The following NPFFR2 variants were observed in gnomAD, a reference collection of about 807,000 sequenced individuals.
NPFFR2 encodes G-protein coupled receptor 74.
A neutral mutation model predicts 13.1 loss-of-function variants in NPFFR2; 15 were observed. The observed-to-expected ratio is 1.15, with a 90% confidence interval of 0.77 to 1.76. The LOEUF (loss-of-function observed/expected upper bound fraction) is 1.76. Ranked by LOEUF, NPFFR2 falls within the 40% of genes most tolerant of loss-of-function variation. The probability of loss-of-function intolerance (pLI) is 0.00; values close to 1 mark genes in which losing one functional copy is unlikely to be tolerated. For synonymous variants in NPFFR2, 190 were observed against 175.7 expected (o/e 1.08, Z -0.65); for missense variants, 572 against 503.5 (o/e 1.14, Z -1.30).
chr4:72,147,138 C>T lies in NPFFR2; in HGVS notation c.589C>T (p.Gln197Ter), dbSNP rs1169769803. ...ATATTACCGAGTGAGACTCAACTCC[C>T]AGAATAAAACCAGTCCAGTCTACTG... ...EKYYRVRLNS[Q>*]NKTSPVYWCR... The change falls in exon 4 of 4, where the codon CAG becomes TAG. Residue 197 changes from glutamine (Q) to a stop codon, truncating the protein, a stop_gained. Coordinates refer to ENST00000308744, the MANE Select transcript of NPFFR2 (RefSeq NM_004885.3). LOFTEE classifies it low-confidence loss of function (END_TRUNC). 4 of 1,613,972 alleles carry T rather than the reference C, an allele frequency of 2.5e-6. No homozygotes were observed. The African/African-American group carries it at 4.0e-5, about 16-fold the overall frequency.
intron 1 of NPFFR2, among the ~76,000 whole-genome samples, chr4:72,077,492 A>G (rs1264434135): frequency 1.3e-5 from 2 of 152,136 alleles, no homozygotes; most frequent in Non-Finnish European, 2.9e-5. Flanking sequence ...TGCCCTTCCA[A>G]TGAGGGGAAG....
At chr4:72,074,225 C>T (rs1482645202) in intron 1 of NPFFR2, among the ~76,000 whole-genome samples, 3 of 152,030 alleles carry the variant, frequency 2.0e-5, no homozygotes, top group African/African-American at 4.8e-5. Context: ...TCATCCTGCT[C>T]TTCAGAATGA....
chr4:72,145,720 A>T (rs1248625397), intron 3 of NPFFR2, among the ~76,000 whole-genome samples: 2 of 152,182 alleles, frequency 1.3e-5, no homozygotes, highest in Non-Finnish European at 2.9e-5. Flanking sequence ...AAGTTAGATA[A>T]GTTAATTTGG....
intron 2 of NPFFR2, among the ~76,000 whole-genome samples, chr4:72,129,363 G>A (rs1274891585): frequency 3.1e-5 from 4 of 129,436 alleles, no homozygotes; most frequent in Non-Finnish European, 6.5e-5. Context: ...AGCATATGGA[G>A]GATCCCGCCA....
chr4:72,038,901 C>CTTTTTTTTTTT (rs34623356), intron 1 of NPFFR2, among the ~76,000 whole-genome samples: 31 of 86,960 alleles, frequency 3.6e-4, no homozygotes, highest in Non-Finnish European at 4.0e-4. Context: ...TTTAAATTTC[C>CTTTTTTTTTTT]TTTCTTTTTT....
At chr4:72,142,140 A>G (rs1053305411) in intron 3 of NPFFR2, among the ~76,000 whole-genome samples, 3 of 151,140 alleles carry the variant, frequency 2.0e-5, no homozygotes, top group African/African-American at 7.3e-5. Flanking sequence ...CTTTCTTTTG[A>G]TTCTATATGT....
At chr4:72,050,400 G>A (rs371169443) in intron 1 of NPFFR2, among the ~76,000 whole-genome samples, 19 of 152,052 alleles carry the variant, frequency 1.2e-4, no homozygotes, top group African/African-American at 4.6e-4. Flanking sequence ...ATGGGAAGGG[G>A]GGTTGTACGT....
intron 3 of NPFFR2, among the ~76,000 whole-genome samples, chr4:72,140,905 G>C (rs1011352531): frequency 6.6e-6 from 1 of 151,982 alleles, no homozygotes; most frequent in Non-Finnish European, 1.5e-5. Context: ...ACTTTTTTTG[G>C]TTGGTAAGCT....
Position 72,063,490 on chromosome 4 carries a change from T to A in NPFFR2, c.-8+31290T>A, listed in dbSNP as rs149019297. On this transcript the variant is annotated intron_variant, in intron 1 of 3. Transcript: ENST00000308744. ...AAGTGATTAAGAAGAAAAAGCTTTA[T>A]AAGTATTTTAAGGCTATTGAGTTAC... Among the ~76,000 whole-genome samples the A allele has an allele frequency of 5.5e-3, 835 of 152,354 alleles. 5 individuals are homozygous for A. The highest frequency in any genetic ancestry group is 0.019 in the African/African-American group (800 of 41,594).
chr4:72,064,428 C>T (rs1291941576), intron 1 of NPFFR2, among the ~76,000 whole-genome samples: 1 of 152,212 alleles, frequency 6.6e-6, no homozygotes, highest in Non-Finnish European at 1.5e-5. Context: ...CTCAACTTCT[C>T]AGCTTGTAAG....
chr4:72,130,275 A>C (rs1722196048), intron 2 of NPFFR2, among the ~76,000 whole-genome samples: 3 of 151,972 alleles, frequency 2.0e-5, no homozygotes, highest in African/African-American at 7.3e-5. Context: ...TATGAACTGT[A>C]AGGTCCAAAG....
At chr4:72,123,667 T>A (rs1435278580) in intron 1 of NPFFR2, among the ~76,000 whole-genome samples, 1 of 152,148 alleles carries the variant, frequency 6.6e-6, no homozygotes, top group African/African-American at 2.4e-5. Context: ...AAAAACCACA[T>A]GATTATCTCA....
At chr4:72,097,698 G>A (rs1381512337) in intron 1 of NPFFR2, among the ~76,000 whole-genome samples, 1 of 152,084 alleles carries the variant, frequency 6.6e-6, no homozygotes, top group Non-Finnish European at 1.5e-5. Flanking sequence ...CCAAGTCCAG[G>A]GTGATAAAGC....
In NPFFR2 at chr4:72,059,078, T is replaced by C. The variant is rs184258057; in HGVS notation, c.-8+26878T>C. On this transcript the variant is annotated intron_variant, in intron 1 of 3. Transcript: ENST00000308744. ...ACCATTGTTCTCCTAGAAACTTTATTCAGGTGGCAATTTACTATTTTGGGG... is the reference window on the plus strand; with the variant it reads ...ACCATTGTTCTCCTAGAAACTTTATCCAGGTGGCAATTTACTATTTTGGGG... 3.9e-5 allele frequency among the ~76,000 whole-genome samples: 6 copies of C among 152,210 alleles called. No individual in the cohort carries two copies. The East Asian group carries it at 1.2e-3, about 29-fold the overall frequency.
chr4:72,136,750 G>A (rs1395769776), intron 2 of NPFFR2, among the ~76,000 whole-genome samples: 1 of 152,178 alleles, frequency 6.6e-6, no homozygotes, highest in Admixed American at 6.5e-5. Context: ...GTGACTCGGG[G>A]TTTAGAGTAC....
intron 3 of NPFFR2, among the ~76,000 whole-genome samples, chr4:72,143,840 G>C (rs564358909): frequency 6.6e-6 from 1 of 152,198 alleles, no homozygotes; most frequent in East Asian, 1.9e-4. Context: ...CCTAGAAGTA[G>C]CCCTCAACTA....
intron 1 of NPFFR2, among the ~76,000 whole-genome samples, chr4:72,104,591 G>T (rs189773481): frequency 3.7e-4 from 56 of 152,102 alleles, no homozygotes; most frequent in African/African-American, 1.2e-3. Flanking sequence ...TGGAATAAAG[G>T]TGGGCTCAGA....
intron 1 of NPFFR2, among the ~76,000 whole-genome samples, chr4:72,068,342 T>A (rs1471352958): frequency 6.6e-6 from 1 of 152,210 alleles, no homozygotes; most frequent in Non-Finnish European, 1.5e-5. Context: ...TGTCCTAAGA[T>A]GGCAGAAGGC....
chr4:72,131,274 C>T (rs28867720), intron 2 of NPFFR2, among the ~76,000 whole-genome samples: 784 of 152,038 alleles, frequency 5.2e-3, no homozygotes, highest in Middle Eastern at 0.014. Context: ...CCAGGGACTG[C>T]GCCCTTTTCT....
Sources: gnomAD v4.1 joint callset for allele counts (sites outside exome capture counted in the v4.1 genomes callset) on GRCh38, gnomAD v4.1.1 for gene constraint, MANE v1.5 for transcripts, NCBI Gene and HGNC (gene_info 2026-07-23, HGNC 2026-07-21) for gene names.